GATA4: variants seen among roughly 807,000 people sequenced by gnomAD.
The protein encoded by GATA4 is transcription factor GATA-4.
A neutral mutation model predicts 37.9 loss-of-function variants in GATA4; 7 were observed. That is an observed-to-expected ratio of 0.18 (90% CI 0.11 to 0.35). GATA4 has a LOEUF of 0.35. Among genes scored for constraint, GATA4 ranks in the 10% least tolerant of loss-of-function variants. The probability of loss-of-function intolerance (pLI) is 1.00; values close to 1 mark genes in which losing one functional copy is unlikely to be tolerated. For synonymous variants in GATA4, 372 were observed against 292.6 expected, an observed-to-expected ratio of 1.27 and a Z score of -2.77; for missense variants, 647 against 653.0, an observed-to-expected ratio of 0.99 and a Z score of 0.10.
In GATA4 at chr8:11,708,634, T is replaced by C; in HGVS notation, c.322T>C (p.Phe108Leu). The change falls in exon 2 of 7, where the codon TTC becomes CTC. Residue 108 changes from phenylalanine to leucine, a missense_variant. Physicochemically the swap from Phe to Leu is conservative, Grantham distance 22. Coordinates refer to ENST00000532059, the MANE Select transcript of GATA4 (RefSeq NM_001308093.3). This position sits in a 1 kb window ranked among gnomAD's most constrained non-coding sequence, Gnocchi z 6.7. The stretch of plus-strand genomic sequence containing the variant: ...CACCCCGCCGCCGGTGTCGCCGCGC[T>C]TCTCCTTCCCGGGGACCACCGGGTC... ...AYTPPPVSPR[F>L]SFPGTTGSLA... The C allele has an allele frequency of 7.5e-7, 1 of 1,337,530 alleles. No individual in the cohort carries two copies. The allele number at this position is 1,337,530 out of a possible 1,614,324, so 82.9% of individuals were successfully genotyped here.
At chr8:11,680,148 G>T (rs146413518) in intron 1 of GATA4, among the ~76,000 whole-genome samples, 1,595 of 152,296 alleles carry the variant, frequency 0.01, 26 homozygotes, top group African/African-American at 0.036. Context: ...CATAACGCGC[G>T]CCTGTAAATG....
chr8:11,692,517 G>C, upstream of GATA4: 6 of 985,476 alleles, frequency 6.1e-6, no homozygotes, highest in Non-Finnish European at 7.2e-6. Flanking sequence ...TAATTCCCGT[G>C]AAACTATGCT....
chr8:11,723,353 C>CA (rs946024055), intron 2 of GATA4, among the ~76,000 whole-genome samples: 2 of 150,760 alleles, frequency 1.3e-5, no homozygotes, highest in South Asian at 2.1e-4. Flanking sequence ...AAAAAAAAAA[C>CA]AAAAAAACCT....
At chr8:11,698,230 G>T (rs1267965244) in intron 1 of GATA4, among the ~76,000 whole-genome samples, 1 of 152,168 alleles carries the variant, frequency 6.6e-6, no homozygotes, top group Non-Finnish European at 1.5e-5. Context: ...GCCTGCTTTG[G>T]TTTTTCCATA....
At chr8:11,718,152 G>A (rs1420758671) in intron 2 of GATA4, among the ~76,000 whole-genome samples, 1 of 152,202 alleles carries the variant, frequency 6.6e-6, no homozygotes, top group Non-Finnish European at 1.5e-5. Flanking sequence ...AATGGGGCAT[G>A]GATCAAGACA....
At chr8:11,693,319 C>A (rs1446275156) in intron 1 of GATA4, among the ~76,000 whole-genome samples, 2 of 151,950 alleles carry the variant, frequency 1.3e-5, no homozygotes, top group African/African-American at 4.8e-5. Context: ...ATAAAATTAG[C>A]CAGGCGTCGT....
At chr8:11,739,990 A>T (rs1801650102) in intron 2 of GATA4, among the ~76,000 whole-genome samples, 1 of 152,182 alleles carries the variant, frequency 6.6e-6, no homozygotes, top group Non-Finnish European at 1.5e-5. Flanking sequence ...AGCCGACTCA[A>T]CAAGGCAGTG....
upstream of GATA4, among the ~76,000 whole-genome samples, chr8:11,688,041 A>T (rs1020547020): frequency 2.0e-5 from 3 of 152,190 alleles, no homozygotes; most frequent in South Asian, 6.2e-4. Context: ...CACAGCTTAA[A>T]CCCAACTGAG....
chr8:11,719,262 A>C (rs1185684564), intron 2 of GATA4, among the ~76,000 whole-genome samples: 3 of 151,992 alleles, frequency 2.0e-5, no homozygotes, highest in Non-Finnish European at 4.4e-5. Flanking sequence ...CAAGATCATA[A>C]ATCAAACCAG....
chr8:11,677,392 C>T (rs1483412675), intron 1 of GATA4, among the ~76,000 whole-genome samples: 1 of 152,190 alleles, frequency 6.6e-6, no homozygotes, highest in African/African-American at 2.4e-5. Context: ...TTCAGCTTCC[C>T]ACTCCAACAA....
intron 2 of GATA4, among the ~76,000 whole-genome samples, chr8:11,712,046 G>C (rs114557758): frequency 6.6e-6 from 1 of 152,096 alleles, no homozygotes; most frequent in Admixed American, 6.6e-5. Flanking sequence ...TACCTCTCTC[G>C]GTCTCACCTC....
chr8:11,691,047 A>C (rs1125055), upstream of GATA4, among the ~76,000 whole-genome samples: 3,485 of 152,264 alleles, frequency 0.023, 116 homozygotes, highest in South Asian at 0.13. Flanking sequence ...CTTCATCTAT[A>C]AAATGGAGGA....
intron 1 of GATA4, among the ~76,000 whole-genome samples, chr8:11,684,672 T>C (rs1188349448): frequency 1.3e-5 from 2 of 152,232 alleles, no homozygotes; most frequent in East Asian, 3.8e-4. Flanking sequence ...TTTTAAAATC[T>C]TTATAAACCT....
At chr8:11,698,027 C>A in intron 1 of GATA4, 1 of 984,734 alleles carries the variant, frequency 1.0e-6, no homozygotes, top group Non-Finnish European at 1.2e-6. Context: ...GCCCTGGACT[C>A]TGGGTTGACC....
intron 2 of GATA4, among the ~76,000 whole-genome samples, chr8:11,727,607 C>G (rs188886874): frequency 3.3e-5 from 5 of 152,024 alleles, no homozygotes; most frequent in Non-Finnish European, 7.4e-5. Flanking sequence ...CTTTGGGAGG[C>G]TGAGGCAGGC....
intron 1 of GATA4, among the ~76,000 whole-genome samples, chr8:11,694,108 C>G (rs1799431138): frequency 6.6e-6 from 1 of 152,210 alleles, no homozygotes; most frequent in Non-Finnish European, 1.5e-5. Flanking sequence ...GCGCTCACTC[C>G]TGCTCCTGTC....
chr8:11,711,772 AC>A (rs1194012319), intron 2 of GATA4, among the ~76,000 whole-genome samples: 21 of 126,160 alleles, frequency 1.7e-4, no homozygotes, highest in African/African-American at 2.6e-4. Context: ...AAAAAAAAAA[AC>A]CAGTGCATGT....
intron 1 of GATA4, among the ~76,000 whole-genome samples, chr8:11,695,529 T>TC (rs1163462797): frequency 6.6e-6 from 1 of 152,186 alleles, no homozygotes; most frequent in East Asian, 1.9e-4. Context: ...AGAAATACAG[T>TC]CCTACGCTCA....
Position 11,750,000 on chromosome 8 carries a change from G to T in GATA4, c.787-111G>T. The T allele has an allele frequency of 6.7e-7, 1 of 1,498,716 alleles. No individual in the cohort carries two copies. 92.8% of individuals were successfully genotyped at this position (1,498,716 alleles called of 1,614,324 possible). The stretch of plus-strand genomic sequence containing the variant: ...CAGAGATCTCATGCAGGGTCGTTAG[G>T]GCCCAGCCCTGCCTCCCGTTAGGGA... On this transcript the variant is annotated intron_variant, in intron 3 of 6. Transcript: ENST00000532059. This position sits in a 1 kb window ranked among gnomAD's most constrained non-coding sequence, Gnocchi z 4.6.
Sources: allele counts gnomAD v4.1 joint callset (sites outside exome capture counted in the v4.1 genomes callset), GRCh38; gene constraint gnomAD v4.1.1; non-coding constraint Gnocchi (gnomAD v3.1); transcripts MANE v1.5; gene names NCBI Gene and HGNC (gene_info 2026-07-23, HGNC 2026-07-21).